The following RBPMS variants were observed in gnomAD, a reference collection of about 807,000 sequenced individuals.
RBPMS encodes the protein RNA binding protein, mRNA processing factor.
In RBPMS, 7 loss-of-function variants were observed where a neutral mutation model predicts 26.8. The ratio of observed to expected loss-of-function variants is 0.26; its 90% CI spans 0.15 to 0.49. The LOEUF is 0.49. Ranked by LOEUF, RBPMS falls within the 20% of genes least tolerant of loss-of-function variation. The pLI, the probability that RBPMS is intolerant of heterozygous loss-of-function variation, is 0.98. For synonymous variants in RBPMS, 96 were observed against 93.3 expected (o/e 1.03, Z -0.17); for missense variants, 186 against 250.0 (o/e 0.74, Z 1.73).
At position 30,477,739 on chromosome 8, in the gene RBPMS, T is replaced by A. The variant is rs1817852327; in HGVS notation, c.145-60T>A. On this transcript the variant is annotated intron_variant, in intron 2 of 8. Transcript: ENST00000397323. ...AATCAATAAAGAACTTATTTTTACA[T>A]GAACAAGATGGTATTACTACAGTTA... 3 of 1,167,588 alleles carry A rather than the reference T, an allele frequency of 2.6e-6. No homozygotes were observed. In the Admixed American group the frequency reaches 5.7e-5, roughly 22 times the overall value. The allele number at this position is 1,167,588 out of a possible 1,614,324, so 72.3% of individuals were successfully genotyped here. A position where few individuals can be genotyped will look rare whatever the true frequency, so the allele number is the denominator to read the frequency against.
intron 5 of RBPMS, among the ~76,000 whole-genome samples, chr8:30,535,263 G>A (rs886406599): frequency 3.9e-5 from 6 of 152,266 alleles, no homozygotes; most frequent in Middle Eastern, 3.4e-3. Context: ...TTGTAATATC[G>A]TTAATTTTAA....
chr8:30,385,522 T>A, intron 1 of RBPMS: 1 of 171,214 alleles, frequency 5.8e-6, no homozygotes. Context: ...GTGTATGGAT[T>A]CAGGGTCGGG....
intron 6 of RBPMS, among the ~76,000 whole-genome samples, chr8:30,549,234 G>A (rs376838504): frequency 2.6e-5 from 4 of 152,184 alleles, no homozygotes; most frequent in South Asian, 2.1e-4. Flanking sequence ...GCAGGAGTCC[G>A]GAGATTCCCA....
At chr8:30,425,001 G>A (rs1188388883) in intron 1 of RBPMS, among the ~76,000 whole-genome samples, 1 of 151,926 alleles carries the variant, frequency 6.6e-6, no homozygotes, top group African/African-American at 2.4e-5. Context: ...ATCCACCCAG[G>A]CTGGAGTGCA....
intron 1 of RBPMS, among the ~76,000 whole-genome samples, chr8:30,466,479 T>C (rs888033857): frequency 6.6e-6 from 1 of 152,146 alleles, no homozygotes; most frequent in Non-Finnish European, 1.5e-5. Flanking sequence ...CCAGGCGTTC[T>C]AGGCTGCAGT....
At chr8:30,503,323 T>C (rs1820750987) in intron 4 of RBPMS, among the ~76,000 whole-genome samples, 1 of 152,110 alleles carries the variant, frequency 6.6e-6, no homozygotes, top group Non-Finnish European at 1.5e-5. Context: ...CGATCTTGGC[T>C]CACTGTACCC....
chr8:30,408,756 T>G (rs1221826145), intron 1 of RBPMS, among the ~76,000 whole-genome samples: 1 of 152,210 alleles, frequency 6.6e-6, no homozygotes, highest in Non-Finnish European at 1.5e-5. Context: ...TGAACAGTTC[T>G]TAGAATATTC....
chr8:30,509,653 A>G (rs1396257775), intron 5 of RBPMS, among the ~76,000 whole-genome samples: 1 of 152,220 alleles, frequency 6.6e-6, no homozygotes, highest in Non-Finnish European at 1.5e-5. Context: ...GGCATGCACA[A>G]TTAGAAAGAT....
intron 5 of RBPMS, among the ~76,000 whole-genome samples, chr8:30,529,969 G>C (rs1457340295): frequency 6.6e-6 from 1 of 152,136 alleles, no homozygotes; most frequent in Admixed American, 6.5e-5. Flanking sequence ...TGCCCAGGTT[G>C]ATCTCGAACT....
At chr8:30,515,752 C>T (rs575428565) in intron 5 of RBPMS, among the ~76,000 whole-genome samples, 1 of 152,186 alleles carries the variant, frequency 6.6e-6, no homozygotes, top group East Asian at 1.9e-4. Context: ...AGCTCCTGAG[C>T]TTAAGTGATC....
chr8:30,556,268 C>G (rs945989580), intron 6 of RBPMS: 12 of 985,434 alleles, frequency 1.2e-5, no homozygotes, highest in African/African-American at 1.7e-5. Flanking sequence ...TCCCCTGGAC[C>G]CCACAGCTCG....
intron 5 of RBPMS, among the ~76,000 whole-genome samples, chr8:30,538,005 G>C (rs1258196574): frequency 2.0e-5 from 3 of 152,140 alleles, no homozygotes; most frequent in African/African-American, 7.2e-5. Context: ...ATGAGTTTAG[G>C]GTGTTTACAT....
In RBPMS at chr8:30,451,444, G is replaced by A. The variant is rs372954351; in HGVS notation, c.67-23335G>A. On this transcript the variant is annotated intron_variant, in intron 1 of 8. Coordinates refer to ENST00000397323, the MANE Select transcript of RBPMS (RefSeq NM_001008710.3). Reference sequence around the variant, plus strand: ...TTTAGTGGGTGTTTTGATACAGGTCGTGTGAATGTTGTCTGTCAAGCAAAG... The same window carrying A: ...TTTAGTGGGTGTTTTGATACAGGTCATGTGAATGTTGTCTGTCAAGCAAAG... 3.3e-5 allele frequency among the ~76,000 whole-genome samples: 5 copies of A among 152,178 alleles called. No individual in the cohort carries two copies. In the East Asian group the frequency reaches 7.7e-4, roughly 23 times the overall value.
chr8:30,423,777 G>A (rs183398216), intron 1 of RBPMS, among the ~76,000 whole-genome samples: 2 of 152,018 alleles, frequency 1.3e-5, no homozygotes, highest in Admixed American at 6.6e-5. Flanking sequence ...AGGATGGTGC[G>A]GGGGTTTAAA....
rs192637168 is a variant in RBPMS, at chr8:30,411,781, G to A, written c.66+26623G>A. Among the ~76,000 whole-genome samples, 490 of 151,984 alleles carry A rather than the reference G, an allele frequency of 3.2e-3. 1 individual carries two copies. Among genetic ancestry groups the A allele is most frequent in the Non-Finnish European group, 5.3e-3 (359 of 67,960 alleles). The stretch of plus-strand genomic sequence containing the variant: ...GGTGGATCACGAGGTCAGGAGTTCC[G>A]AGACTAGCCTTGCCCACATGGTGAA... On this transcript the variant is annotated intron_variant, in intron 1 of 8. Coordinates refer to ENST00000397323, the MANE Select transcript of RBPMS (RefSeq NM_001008710.3).
chr8:30,386,912 C>G (rs79761089), intron 1 of RBPMS, among the ~76,000 whole-genome samples: 21 of 151,852 alleles, frequency 1.4e-4, no homozygotes, highest in African/African-American at 5.1e-4. Context: ...AAAAATCATA[C>G]CCACATTAAA....
At chr8:30,556,880 C>A in intron 6 of RBPMS, 1 of 551,066 alleles carries the variant, frequency 1.8e-6, no homozygotes, top group Non-Finnish European at 2.3e-6. Flanking sequence ...CCGCCCCTAC[C>A]TCACCCCCAT....
intron 5 of RBPMS, among the ~76,000 whole-genome samples, chr8:30,543,031 C>G (rs1825547633): frequency 6.6e-6 from 1 of 152,180 alleles, no homozygotes; most frequent in Non-Finnish European, 1.5e-5. Context: ...GTCTTTCTAT[C>G]ACCAAGTCCT....
intron 1 of RBPMS, among the ~76,000 whole-genome samples, chr8:30,413,526 T>A (rs1809698189): frequency 6.6e-6 from 1 of 152,256 alleles, no homozygotes; most frequent in Non-Finnish European, 1.5e-5. Context: ...AGAAGAGTGC[T>A]ATCACAGGTG....
Sources: allele counts gnomAD v4.1 joint callset (sites outside exome capture counted in the v4.1 genomes callset), GRCh38; gene constraint gnomAD v4.1.1; transcripts MANE v1.5; gene names NCBI Gene and HGNC (gene_info 2026-07-23, HGNC 2026-07-21).